The following CDH4 variants were observed in gnomAD, a reference collection of about 807,000 sequenced individuals.
CDH4 encodes the protein cadherin 4, also known as cadherin-4.
Under a neutral mutation model 86.0 loss-of-function variants are expected in CDH4, and 33 were observed. The ratio of observed to expected loss-of-function variants is 0.38; its 90% CI spans 0.29 to 0.51. The LOEUF is 0.51. CDH4 is among the 20% of genes least tolerant of loss of function. The pLI is 0.86. For synonymous variants in CDH4, 555 were observed against 549.4 expected, an observed-to-expected ratio of 1.01 and a Z score of -0.14; for missense variants, 1,114 against 1,307.4, an observed-to-expected ratio of 0.85 and a Z score of 2.28.
At position 61,695,092 on chromosome 20, in the gene CDH4, T is replaced by G. The variant is rs541513992; in HGVS notation, c.170-48471T>G. Among the ~76,000 whole-genome samples the G allele has an allele frequency of 7.1e-4, 108 of 152,348 alleles. 1 individual carries two copies. The highest frequency in any genetic ancestry group is 6.8e-3 in the Middle Eastern group (2 of 294). Reference sequence around the variant, plus strand: ...CTGCATAGAAGGATCAAAACAGCCATGTTTTCTGAGAGCAGAATTTGAATG... The same window carrying G: ...CTGCATAGAAGGATCAAAACAGCCAGGTTTTCTGAGAGCAGAATTTGAATG... On this transcript the variant is annotated intron_variant, in intron 2 of 15. Coordinates refer to ENST00000614565, the MANE Select transcript of CDH4 (RefSeq NM_001794.5).
chr20:61,447,419 C>T (rs987202589), intron 2 of CDH4, among the ~76,000 whole-genome samples: 3 of 148,512 alleles, frequency 2.0e-5, no homozygotes, highest in Non-Finnish European at 4.4e-5. Context: ...GGTGATCTGT[C>T]CACCTCGGCC....
At position 61,809,673 on chromosome 20, in the gene CDH4, G is replaced by T. The variant is rs532054669; in HGVS notation, c.577-34995G>T. Among the ~76,000 whole-genome samples the T allele has an allele frequency of 1.1e-4, 16 of 152,326 alleles. No homozygotes were observed. The South Asian group carries it at 2.9e-3, about 28-fold the overall frequency. ...GGGCAGATGAGGAGGCCAAAGCTGG[G>T]AACTGGAGTTTTAATGCCAGGAGGG... On this transcript the variant is annotated intron_variant, in intron 4 of 15. Transcript: ENST00000614565.
intron 2 of CDH4, among the ~76,000 whole-genome samples, chr20:61,294,250 G>C (rs1175656560): frequency 1.3e-5 from 2 of 152,170 alleles, no homozygotes; most frequent in Non-Finnish European, 2.9e-5. Context: ...CCTGAGCTGG[G>C]GTCTGCACCG....
Position 61,480,577 on chromosome 20 carries a change from G to GTGGC in CDH4, c.169+225647_169+225650dup, listed in dbSNP as rs1448813389. On this transcript the variant is annotated intron_variant, in intron 2 of 15. Transcript: ENST00000614565. This position sits in a 1 kb window ranked among gnomAD's most constrained non-coding sequence, Gnocchi z 5.2. ...GAATCCCCGTCCTGACCGGGGCCTG[G>GTGGC]TGGCTGGCTGCCTGCTAGGCTGACA... is the stretch of plus-strand genomic sequence containing the variant. Among the ~76,000 whole-genome samples the GTGGC allele has an allele frequency of 3.9e-5, 6 of 152,242 alleles. No homozygotes were observed. The highest frequency in any genetic ancestry group is 8.8e-5 in the Non-Finnish European group (6 of 68,036).
chr20:61,712,972 G>A (rs2087909504), intron 2 of CDH4, among the ~76,000 whole-genome samples: 1 of 152,146 alleles, frequency 6.6e-6, no homozygotes, highest in South Asian at 2.1e-4. Flanking sequence ...CCAGGACACT[G>A]GGGATGGCCC....
At chr20:61,295,778 G>A (rs936555717) in intron 2 of CDH4, among the ~76,000 whole-genome samples, 9 of 152,116 alleles carry the variant, frequency 5.9e-5, no homozygotes, top group Non-Finnish European at 4.4e-5. Context: ...CCAGCTCCTC[G>A]TGCCCACCAG....
chr20:61,821,716 C>T (rs1601023544), intron 4 of CDH4, among the ~76,000 whole-genome samples: 1 of 152,246 alleles, frequency 6.6e-6, no homozygotes, highest in Non-Finnish European at 1.5e-5. Context: ...TTTGGATCTA[C>T]AGGAAGGTTT....
chr20:61,668,408 C>T (rs1448426811), intron 2 of CDH4, among the ~76,000 whole-genome samples: 2 of 152,242 alleles, frequency 1.3e-5, no homozygotes, highest in African/African-American at 4.8e-5. Flanking sequence ...GCACATGACC[C>T]TGAGAACACA....
chr20:61,275,161 C>G (rs1362910694), intron 2 of CDH4, among the ~76,000 whole-genome samples: 12 of 110,370 alleles, frequency 1.1e-4, no homozygotes, highest in South Asian at 3.2e-4. Flanking sequence ...TATTGGAGTA[C>G]CATGCATAGT....
chr20:61,286,677 A>G (rs547146131), intron 2 of CDH4, among the ~76,000 whole-genome samples: 1 of 152,358 alleles, frequency 6.6e-6, no homozygotes, highest in Admixed American at 6.5e-5. Context: ...AACTGAAAAT[A>G]AAACAATGAG....
rs568727177 is a variant in CDH4, at chr20:61,582,441, A to T, written c.170-161122A>T. Among the ~76,000 whole-genome samples, 176 of 152,208 alleles carry T rather than the reference A, an allele frequency of 1.2e-3. No individual in the cohort carries two copies. The highest frequency in any genetic ancestry group is 2.1e-3 in the Non-Finnish European group (140 of 67,986). ...CGCAAGTCCTTCTCAGAACCATCCC[A>T]TGTGCCTGTCCCTGTGGCCCTGGGC... On this transcript the variant is annotated intron_variant, in intron 2 of 15. Coordinates refer to ENST00000614565, the MANE Select transcript of CDH4 (RefSeq NM_001794.5). The surrounding 1 kb of genome is among the most constrained non-coding windows in gnomAD (Gnocchi z 4.2).
At chr20:61,461,274 C>T (rs559438453) in intron 2 of CDH4, among the ~76,000 whole-genome samples, 9 of 152,224 alleles carry the variant, frequency 5.9e-5, no homozygotes, top group East Asian at 1.9e-4. Context: ...CAGCCTTATG[C>T]GTTCCCTGCA....
At chr20:61,429,611 G>A (rs1238015018) in intron 2 of CDH4, among the ~76,000 whole-genome samples, 1 of 150,126 alleles carries the variant, frequency 6.7e-6, no homozygotes, top group Non-Finnish European at 1.5e-5. Flanking sequence ...GGATGGATTG[G>A]TGGGTGGGTG....
At chr20:61,933,179 T>C (rs1341199410) in intron 14 of CDH4, 55 bp downstream of exon 14, 4 of 1,584,494 alleles carry the variant, frequency 2.5e-6, no homozygotes, top group Non-Finnish European at 3.4e-6. Flanking sequence ...TCACGTGTAC[T>C]AGTGTCTCAG....
Position 61,895,001 on chromosome 20 carries a change from C to G in CDH4, c.1142C>G (p.Thr381Arg). 6.2e-7 allele frequency: 1 copy of G among 1,613,946 alleles called. No individual in the cohort carries two copies. The highest frequency in any genetic ancestry group is 8.5e-7 in the Non-Finnish European group (1 of 1,180,012). The change falls in exon 8 of 16, where the codon ACG becomes AGG. Residue 381 changes from threonine to arginine, a missense_variant. Coordinates refer to ENST00000614565, the MANE Select transcript of CDH4 (RefSeq NM_001794.5). ...TCAAACACAGCCACAGCCATCATCA[C>G]GGTGACAGATGTGAATGACAACCCG... ...GLSNTATAII[T>R]VTDVNDNPPE...
At chr20:61,296,827 G>T (rs1004694295) in intron 2 of CDH4, among the ~76,000 whole-genome samples, 1 of 152,158 alleles carries the variant, frequency 6.6e-6, no homozygotes, top group Non-Finnish European at 1.5e-5. Flanking sequence ...ACGGACGGAC[G>T]ATGGGCAGGT....
At chr20:61,914,484 T>G (rs1250856450) in intron 9 of CDH4, among the ~76,000 whole-genome samples, 1 of 149,368 alleles carries the variant, frequency 6.7e-6, no homozygotes, top group Non-Finnish European at 1.5e-5. Flanking sequence ...TGCTTCTTCT[T>G]CCCGGGTGCG....
chr20:61,276,230 G>A (rs545367235), intron 2 of CDH4, among the ~76,000 whole-genome samples: 4 of 152,288 alleles, frequency 2.6e-5, no homozygotes, highest in Admixed American at 2.6e-4. Context: ...TTATTTTCCT[G>A]AGTATAAATT....
intron 2 of CDH4, among the ~76,000 whole-genome samples, chr20:61,411,487 G>C (rs2252273): frequency 0.61 from 92,239 of 151,176 alleles, 33,161 homozygotes; most frequent in East Asian, 1. Context: ...TTTTCAAATG[G>C]GCAGCCTTCC....
Sources: allele counts gnomAD v4.1 joint callset (sites outside exome capture counted in the v4.1 genomes callset), GRCh38; gene constraint gnomAD v4.1.1; non-coding constraint Gnocchi (gnomAD v3.1); transcripts MANE v1.5; gene names NCBI Gene and HGNC (gene_info 2026-07-23, HGNC 2026-07-21).